PIBF1: variants seen among roughly 807,000 people sequenced by gnomAD.
The protein encoded by PIBF1 is progesterone immunomodulatory binding factor 1, also known as progesterone-induced-blocking factor 1.
In PIBF1, 90 loss-of-function variants were observed where a neutral mutation model predicts 112.5. The observed-to-expected ratio is 0.80, with a 90% CI of 0.67 to 0.95. PIBF1 has a LOEUF of 0.95. Ranked by LOEUF, PIBF1 falls within the 40% of genes least tolerant of loss-of-function variation. The probability of loss-of-function intolerance (pLI) is 0.00; values close to 1 mark genes in which losing one functional copy is unlikely to be tolerated. For missense variants in PIBF1, 915 were observed against 852.3 expected, an observed-to-expected ratio of 1.07 and a Z score of -0.92; for synonymous variants, 301 against 288.6, an observed-to-expected ratio of 1.04 and a Z score of -0.44.
chr13:72,845,643 G>A (rs1449427688), intron 9 of PIBF1, among the ~76,000 whole-genome samples: 2 of 152,252 alleles, frequency 1.3e-5, no homozygotes, highest in East Asian at 1.9e-4. Flanking sequence ...CAGTGTAGAA[G>A]CATTCCTGCT....
At chr13:72,809,915 G>GA (rs1333051386) in intron 5 of PIBF1, among the ~76,000 whole-genome samples, 2 of 152,068 alleles carry the variant, frequency 1.3e-5, no homozygotes, top group African/African-American at 4.8e-5. Context: ...CCTTTAAAAG[G>GA]AAATTACTCT....
chr13:72,819,617 A>G (rs992368283), intron 5 of PIBF1, among the ~76,000 whole-genome samples: 2 of 152,056 alleles, frequency 1.3e-5, no homozygotes, highest in Admixed American at 1.3e-4. Context: ...TCCAAGCCTC[A>G]GTTTTTTTCA....
intron 17 of PIBF1, among the ~76,000 whole-genome samples, chr13:73,004,474 A>G (rs1315461884): frequency 6.9e-6 from 1 of 144,840 alleles, no homozygotes; most frequent in East Asian, 2.0e-4. Flanking sequence ...CTGTGTGAAG[A>G]GCGAGATTCT....
intron 14 of PIBF1, among the ~76,000 whole-genome samples, chr13:72,945,394 G>A (rs989500637): frequency 6.6e-6 from 1 of 152,158 alleles, no homozygotes; most frequent in Non-Finnish European, 1.5e-5. Context: ...GTTCCTTTGG[G>A]TTTATACCCA....
At chr13:72,907,365 A>C (rs1163743050) in intron 11 of PIBF1, among the ~76,000 whole-genome samples, 1 of 152,170 alleles carries the variant, frequency 6.6e-6, no homozygotes, top group Non-Finnish European at 1.5e-5. Context: ...ACTTTATGTC[A>C]TTAGAGAAAA....
chr13:73,011,428 T>C (rs1490693266), intron 17 of PIBF1, among the ~76,000 whole-genome samples: 1 of 144,236 alleles, frequency 6.9e-6, no homozygotes, highest in Non-Finnish European at 1.5e-5. Flanking sequence ...TTTCCAGCAG[T>C]GGGAGGGAAA....
chr13:72,991,534 T>G (rs1480101573), intron 16 of PIBF1, among the ~76,000 whole-genome samples: 1 of 152,148 alleles, frequency 6.6e-6, no homozygotes, highest in African/African-American at 2.4e-5. Flanking sequence ...CTGTTAACTT[T>G]CTGCAAGTTA....
Position 73,012,882 on chromosome 13 carries a change from GAAGT to G in PIBF1, c.2224-2983_2224-2980del, listed in dbSNP as rs199568815. On this transcript the variant is annotated intron_variant, in intron 17 of 17. Coordinates refer to ENST00000326291, the MANE Select transcript of PIBF1 (RefSeq NM_006346.4). ...ATATTTAATGAGAATATTAGAAAGA[GAAGT>G]AAGAAAGGAAGAGAAGAAATATTTG... Among the ~76,000 whole-genome samples the G allele has an allele frequency of 5.8e-3, 885 of 151,288 alleles. 15 individuals carry two copies. The highest frequency in any genetic ancestry group is 0.019 in the African/African-American group (798 of 41,194).
chr13:72,999,555 A>G (rs2043790360), intron 17 of PIBF1, among the ~76,000 whole-genome samples: 1 of 152,192 alleles, frequency 6.6e-6, no homozygotes, highest in Admixed American at 6.6e-5. Context: ...AAAACCAGAA[A>G]GATTTTCTCT....
chr13:72,933,039 C>T (rs1232751346), intron 14 of PIBF1, among the ~76,000 whole-genome samples: 1 of 152,036 alleles, frequency 6.6e-6, no homozygotes, highest in Non-Finnish European at 1.5e-5. Context: ...TAGAGAACTC[C>T]TACAAGCTGC....
intron 10 of PIBF1, among the ~76,000 whole-genome samples, chr13:72,865,555 CTG>C (rs560498040): frequency 9.2e-5 from 14 of 152,260 alleles, no homozygotes; most frequent in South Asian, 8.3e-4. Flanking sequence ...AATTTTTACA[CTG>C]TGTCTTATTA....
At chr13:72,807,748 T>C (rs905875920) in intron 5 of PIBF1, among the ~76,000 whole-genome samples, 1 of 152,214 alleles carries the variant, frequency 6.6e-6, no homozygotes, top group Non-Finnish European at 1.5e-5. Context: ...TTTTAATAAC[T>C]ATCAATCAGC....
At chr13:72,965,179 A>G in intron 14 of PIBF1, 95 bp from the exon 15 acceptor site, 1 of 1,107,598 alleles carries the variant, frequency 9.0e-7, no homozygotes, top group Non-Finnish European at 1.3e-6. Context: ...TTCATGTCAA[A>G]GGAATTTCTG....
intron 15 of PIBF1, among the ~76,000 whole-genome samples, chr13:72,968,588 A>T (rs1313818200): frequency 6.6e-6 from 1 of 152,114 alleles, no homozygotes; most frequent in Non-Finnish European, 1.5e-5. Context: ...GGCATGAGCC[A>T]CCACACCCAA....
chr13:72,837,255 A>C (rs1412532457), intron 9 of PIBF1, among the ~76,000 whole-genome samples: 4 of 152,064 alleles, frequency 2.6e-5, no homozygotes, highest in Non-Finnish European at 5.9e-5. Flanking sequence ...TGGGAAAAAT[A>C]AAAACACCTC....
chr13:72,846,959 T>C (rs1347773414), intron 9 of PIBF1, among the ~76,000 whole-genome samples: 3 of 152,150 alleles, frequency 2.0e-5, no homozygotes, highest in African/African-American at 7.2e-5. Context: ...TTTTAGAAAT[T>C]AGGTGGCTGT....
intron 6 of PIBF1, among the ~76,000 whole-genome samples, chr13:72,824,177 C>T (rs947657529): frequency 9.8e-6 from 1 of 102,042 alleles, no homozygotes; most frequent in African/African-American, 4.1e-5. Context: ...CCATGCCCAG[C>T]TAATTTTTTT....
At chr13:72,898,689 A>AT (rs1408702931) in intron 11 of PIBF1, among the ~76,000 whole-genome samples, 6 of 150,918 alleles carry the variant, frequency 4.0e-5, no homozygotes, top group Non-Finnish European at 8.9e-5. Flanking sequence ...ATGCAAAAAA[A>AT]AAAAAAAAAT....
Position 72,867,572 on chromosome 13 carries a change from G to A in PIBF1, c.1322+13417G>A, listed in dbSNP as rs577384622. Reference sequence around the variant, plus strand: ...TGGTAAAAAAATATTTTATGCAGATGAGTAAACTTCACTATTACAATGAGC... The same window carrying A: ...TGGTAAAAAAATATTTTATGCAGATAAGTAAACTTCACTATTACAATGAGC... On this transcript the variant is annotated intron_variant, in intron 10 of 17. Coordinates refer to ENST00000326291, the MANE Select transcript of PIBF1 (RefSeq NM_006346.4). Among the ~76,000 whole-genome samples the A allele has an allele frequency of 2.0e-5, 3 of 152,288 alleles. No homozygotes were observed. The South Asian group carries it at 6.2e-4, about 32-fold the overall frequency.
Sources: allele counts gnomAD v4.1 joint callset (sites outside exome capture counted in the v4.1 genomes callset), GRCh38; gene constraint gnomAD v4.1.1; transcripts MANE v1.5; gene names NCBI Gene and HGNC (gene_info 2026-07-23, HGNC 2026-07-21).